The following SLC39A11 variants were observed in gnomAD, a reference collection of about 807,000 sequenced individuals.
The protein encoded by SLC39A11 is zinc transporter ZIP11.
A neutral mutation model predicts 36.1 loss-of-function variants in SLC39A11; 33 were observed. The observed-to-expected ratio is 0.91, with a 90% CI of 0.69 to 1.22. The LOEUF (loss-of-function observed/expected upper bound fraction) is 1.22. SLC39A11 is among the 50% of genes most tolerant of loss of function. SLC39A11 has a pLI of 0.00. For synonymous variants in SLC39A11, 166 were observed against 170.3 expected (o/e 0.97, Z 0.20); for missense variants, 432 against 430.3 (o/e 1.00, Z -0.03).
intron 5 of SLC39A11, among the ~76,000 whole-genome samples, chr17:72,899,616 GA>G (rs1332970164): frequency 5.3e-5 from 8 of 152,124 alleles, no homozygotes; most frequent in African/African-American, 1.2e-4. Context: ...ACGAACTGGG[GA>G]AAGGAGACAG....
intron 6 of SLC39A11, among the ~76,000 whole-genome samples, chr17:72,846,322 ACCT>A (rs2079053951): frequency 6.6e-6 from 1 of 152,088 alleles, no homozygotes; most frequent in South Asian, 2.1e-4. Flanking sequence ...GAGCCACTGC[ACCT>A]GGCCTCAATC....
chr17:72,661,345 GGA>G (rs569196546), intron 7 of SLC39A11, among the ~76,000 whole-genome samples: 3 of 152,166 alleles, frequency 2.0e-5, no homozygotes, highest in Non-Finnish European at 4.4e-5. Flanking sequence ...GAGAGGTAGT[GGA>G]GAGAGTCATG....
intron 7 of SLC39A11, among the ~76,000 whole-genome samples, chr17:72,713,446 A>T (rs2073200220): frequency 6.6e-6 from 1 of 152,206 alleles, no homozygotes; most frequent in South Asian, 2.1e-4. Context: ...GCCCCACACC[A>T]CTGTCCTAGA....
intron 6 of SLC39A11, among the ~76,000 whole-genome samples, chr17:72,811,311 T>C (rs1376852722): frequency 6.6e-6 from 1 of 152,128 alleles, no homozygotes; most frequent in Non-Finnish European, 1.5e-5. Context: ...TAATCCAGTC[T>C]CTAGGGCCCC....
chr17:72,924,769 C>G (rs1401564605), intron 5 of SLC39A11, among the ~76,000 whole-genome samples: 1 of 152,156 alleles, frequency 6.6e-6, no homozygotes, highest in Non-Finnish European at 1.5e-5. Context: ...CTTGGGAGGC[C>G]AAGGCGGGTG....
chr17:72,981,124 A>G (rs1054547512), intron 4 of SLC39A11, among the ~76,000 whole-genome samples: 3 of 152,234 alleles, frequency 2.0e-5, no homozygotes, highest in African/African-American at 7.2e-5. Flanking sequence ...TAATTGTAAT[A>G]ACATATTTTA....
intron 6 of SLC39A11, among the ~76,000 whole-genome samples, chr17:72,795,974 G>T (rs973405771): frequency 6.6e-6 from 1 of 152,160 alleles, no homozygotes; most frequent in Admixed American, 6.5e-5. Flanking sequence ...ACTGGGGGGA[G>T]AAGAAATAGT....
chr17:72,732,549 G>A (rs1359124139), intron 7 of SLC39A11, among the ~76,000 whole-genome samples: 5 of 152,104 alleles, frequency 3.3e-5, no homozygotes, highest in East Asian at 1.9e-4. Context: ...TTTGTCCCTC[G>A]GTTCGGGTCT....
At chr17:72,741,219 T>G (rs2074684576) in intron 6 of SLC39A11, among the ~76,000 whole-genome samples, 1 of 152,120 alleles carries the variant, frequency 6.6e-6, no homozygotes, top group African/African-American at 2.4e-5. Flanking sequence ...CAAAATGTTT[T>G]AATTTTTAAA....
chr17:73,011,992 T>C (rs2090549532), intron 4 of SLC39A11, among the ~76,000 whole-genome samples: 1 of 148,646 alleles, frequency 6.7e-6, no homozygotes, highest in South Asian at 2.2e-4. Flanking sequence ...GACTGAAAGA[T>C]GGCCAGGTGC....
At chr17:72,751,719 A>G (rs1047983468) in intron 6 of SLC39A11, among the ~76,000 whole-genome samples, 1 of 152,162 alleles carries the variant, frequency 6.6e-6, no homozygotes, top group African/African-American at 2.4e-5. Context: ...CTGGGAGTAC[A>G]GCCATGCATC....
intron 5 of SLC39A11, among the ~76,000 whole-genome samples, chr17:72,900,233 AAGAC>A (rs957827383): frequency 1.4e-5 from 2 of 147,354 alleles, no homozygotes; most frequent in African/African-American, 5.1e-5. Flanking sequence ...AAGAAAGAAA[AAGAC>A]AGCAAGGCAA....
intron 7 of SLC39A11, among the ~76,000 whole-genome samples, chr17:72,697,101 T>A (rs902815493): frequency 9.2e-5 from 14 of 152,226 alleles, no homozygotes; most frequent in African/African-American, 3.4e-4. Flanking sequence ...TTTCTTTTTT[T>A]GAGACAGGAT....
chr17:72,656,301 G>T (rs1367827032), intron 7 of SLC39A11, among the ~76,000 whole-genome samples: 1 of 152,152 alleles, frequency 6.6e-6, no homozygotes, highest in African/African-American at 2.4e-5. Context: ...TAATGGGAAG[G>T]AGAGGGAAGT....
At position 72,673,090 on chromosome 17, in the gene SLC39A11, C is replaced by T. The variant is rs115971865; in HGVS notation, c.672-23822G>A. ...GCCCCTGTTCTAGGATTCCTTCTTT[C>T]TCTCTTTTTGTTGTTGTTGTTGTGG... On this transcript the variant is annotated intron_variant, in intron 7 of 9. Coordinates refer to ENST00000255559, the MANE Select transcript of SLC39A11 (RefSeq NM_139177.4). 4.9e-3 allele frequency among the ~76,000 whole-genome samples: 746 copies of T among 152,140 alleles called. 11 individuals are homozygous for T. The highest frequency in any genetic ancestry group is 0.017 in the African/African-American group (712 of 41,516).
chr17:72,650,415 A>G (rs926189208), intron 7 of SLC39A11, among the ~76,000 whole-genome samples: 14 of 152,248 alleles, frequency 9.2e-5, no homozygotes, highest in African/African-American at 3.1e-4. Flanking sequence ...AGGCATGTAC[A>G]TGAAGAACCC....
At chr17:72,963,169 CTT>C (rs5821936) in intron 4 of SLC39A11, among the ~76,000 whole-genome samples, 2 of 114,544 alleles carry the variant, frequency 1.7e-5, no homozygotes, top group Non-Finnish European at 1.7e-5. Context: ...TTTTTCCTTT[CTT>C]TTTTTTTTTT....
intron 6 of SLC39A11, among the ~76,000 whole-genome samples, chr17:72,773,348 C>A (rs1384715781): frequency 1.3e-5 from 2 of 152,106 alleles, no homozygotes; most frequent in African/African-American, 2.4e-5. Flanking sequence ...TGGGAGCGAC[C>A]TGGTGGAAGA....
intron 3 of SLC39A11, among the ~76,000 whole-genome samples, chr17:73,052,028 G>C (rs1330681764): frequency 6.6e-6 from 1 of 151,932 alleles, no homozygotes; most frequent in East Asian, 2.0e-4. Context: ...ACCATCCCCA[G>C]CTCCATCAAG....
Sources: gnomAD v4.1 joint callset for allele counts (sites outside exome capture counted in the v4.1 genomes callset) on GRCh38, gnomAD v4.1.1 for gene constraint, MANE v1.5 for transcripts, NCBI Gene and HGNC (gene_info 2026-07-23, HGNC 2026-07-21) for gene names.